Variants in ASIP observed in about 807,000 individuals in gnomAD.
ASIP encodes agouti-signaling protein.
Under a neutral mutation model 10.3 loss-of-function variants are expected in ASIP, and 11 were observed. The observed-to-expected ratio is 1.07, with a 90% confidence interval of 0.68 to 1.78. The LOEUF (loss-of-function observed/expected upper bound fraction) is 1.78, where lower values mean the gene tolerates loss of function less well. Among genes scored for constraint, ASIP ranks in the 40% most tolerant of loss-of-function variants. The pLI is 0.00. For missense variants in ASIP, 180 were observed against 169.2 expected, an observed-to-expected ratio of 1.06 and a Z score of -0.35; for synonymous variants, 70 against 70.8, an observed-to-expected ratio of 0.99 and a Z score of 0.06.
chr20:34,218,141 C>A (rs2122560043), intron 1 of ASIP, among the ~76,000 whole-genome samples: 1 of 152,330 alleles, frequency 6.6e-6, no homozygotes, highest in South Asian at 2.1e-4. Context: ...AACTCTATGA[C>A]ACACATTTTT....
intron 1 of ASIP, among the ~76,000 whole-genome samples, chr20:34,195,900 A>G (rs962233140): frequency 7.9e-5 from 12 of 151,948 alleles, no homozygotes; most frequent in Non-Finnish European, 1.3e-4. Flanking sequence ...ACCCCCATAT[A>G]TTGTAACTGG....
intron 1 of ASIP, among the ~76,000 whole-genome samples, chr20:34,258,627 T>C (rs1389236550): frequency 8.3e-6 from 1 of 119,792 alleles, no homozygotes; most frequent in Non-Finnish European, 1.7e-5. Context: ...GAAATCATGG[T>C]GGAGAGCCCC....
intron 1 of ASIP, chr20:34,215,324 T>C (rs2035000295): frequency 6.4e-7 from 1 of 1,570,210 alleles, no homozygotes. Context: ...TTTTGTGATA[T>C]TTGGTACCAT....
chr20:34,214,929 A>C, intron 1 of ASIP: 2 of 1,488,216 alleles, frequency 1.3e-6, no homozygotes, highest in Non-Finnish European at 9.4e-7. Context: ...TAATATTCCC[A>C]TTCTTAGTTA....
At chr20:34,249,306 C>T (rs1379271094) in intron 1 of ASIP, among the ~76,000 whole-genome samples, 2 of 151,724 alleles carry the variant, frequency 1.3e-5, no homozygotes, top group East Asian at 1.9e-4. Context: ...TCCCATCCCC[C>T]GCCCCCAATC....
chr20:34,252,411 C>CT, intron 1 of ASIP, among the ~76,000 whole-genome samples: 1 of 152,324 alleles, frequency 6.6e-6, no homozygotes, highest in East Asian at 1.9e-4. Context: ...AGGAAAGGTA[C>CT]TGTGCCTGGA....
intron 1 of ASIP, among the ~76,000 whole-genome samples, chr20:34,236,242 C>G (rs2035208599): frequency 6.6e-6 from 1 of 151,922 alleles, no homozygotes; most frequent in South Asian, 2.1e-4. Flanking sequence ...TTAAATGATT[C>G]AAGAATCATG....
intron 1 of ASIP, among the ~76,000 whole-genome samples, chr20:34,222,517 A>G (rs763859185): frequency 1.3e-5 from 2 of 152,198 alleles, no homozygotes; most frequent in Non-Finnish European, 2.9e-5. Context: ...AGAAACTTGT[A>G]AAATATATAT....
At chr20:34,241,629 A>C (rs2035285125) in intron 1 of ASIP, 140 bp downstream of exon 1, 1 of 691,174 alleles carries the variant, frequency 1.4e-6, no homozygotes, top group Admixed American at 6.3e-5. Flanking sequence ...GGGTCAGAGT[A>C]GTTAAGAGGA....
chr20:34,193,276 C>G (rs772715153), upstream of ASIP, among the ~76,000 whole-genome samples: 2 of 152,198 alleles, frequency 1.3e-5, no homozygotes, highest in Non-Finnish European at 2.9e-5. Context: ...TTTGTAGTAT[C>G]CGGCAGCAAA....
chr20:34,190,542 T>C (rs900825894), upstream of ASIP, among the ~76,000 whole-genome samples: 1 of 152,086 alleles, frequency 6.6e-6, no homozygotes, highest in African/African-American at 2.4e-5. Context: ...TCCTGACCTT[T>C]AGATTTTTAT....
At position 34,241,499 on chromosome 20, in the gene ASIP, G is replaced by A. The variant is rs2035283141; in HGVS notation, c.-11+10G>A. ...CTTTGCGGGAAAGCATGTGAGTTTA[G>A]ATGGCAACTTTAATCTGCTTTCAGG... On this transcript the variant is annotated intron_variant, in intron 1 of 3. Coordinates refer to ENST00000374954, the MANE Select transcript of ASIP (RefSeq NM_001672.3). The A allele has an allele frequency of 1.0e-6, 1 of 985,450 alleles. No individual in the cohort carries two copies. The highest frequency in any genetic ancestry group is 4.7e-5 in the South Asian group (1 of 21,286). The allele number at this position is 985,450 out of a possible 1,614,324, so 61.0% of individuals were successfully genotyped here. A position where few individuals can be genotyped will look rare whatever the true frequency, so the allele number is the denominator to read the frequency against.
At chr20:34,212,360 A>C (rs1016330720) in intron 1 of ASIP, among the ~76,000 whole-genome samples, 23 of 152,224 alleles carry the variant, frequency 1.5e-4, no homozygotes, top group African/African-American at 5.5e-4. Context: ...ATGTGCACAC[A>C]CATTCATGCA....
At chr20:34,242,069 T>C (rs908752167) in intron 1 of ASIP, among the ~76,000 whole-genome samples, 3 of 152,136 alleles carry the variant, frequency 2.0e-5, no homozygotes, top group African/African-American at 7.2e-5. Flanking sequence ...ATGTTTTCAA[T>C]TGTAGGTGAG....
At chr20:34,201,017 C>CTTCCTTCCTTCCTTCCTTCCTTCTTTCT (rs751841818) in intron 1 of ASIP, among the ~76,000 whole-genome samples, 33 of 63,350 alleles carry the variant, frequency 5.2e-4, no homozygotes, top group Non-Finnish European at 7.7e-4. Flanking sequence ...TCCTTCCTTC[C>CTTCCTTCCTTCCTTCCTTCCTTCTTTCT]TTCTTTCTTT....
At chr20:34,196,249 G>C (rs1331205240) in intron 1 of ASIP, among the ~76,000 whole-genome samples, 1 of 138,476 alleles carries the variant, frequency 7.2e-6, no homozygotes. Context: ...ACGTGATCTC[G>C]GCTCACTGCA....
At chr20:34,208,023 C>T (rs554904620) in intron 1 of ASIP, among the ~76,000 whole-genome samples, 63 of 152,146 alleles carry the variant, frequency 4.1e-4, no homozygotes, top group Middle Eastern at 3.4e-3. Context: ...GTGATCCACC[C>T]GCCTCGGCTT....
chr20:34,245,636 G>A (rs1348243336), intron 1 of ASIP, among the ~76,000 whole-genome samples: 17 of 151,684 alleles, frequency 1.1e-4, no homozygotes, highest in African/African-American at 3.9e-4. Context: ...TGATCCACCC[G>A]CCTTGGCCTC....
upstream of ASIP, among the ~76,000 whole-genome samples, chr20:34,194,203 C>A (rs1391530620): frequency 6.6e-6 from 1 of 151,950 alleles, no homozygotes; most frequent in East Asian, 1.9e-4. Flanking sequence ...AGAGAGAGAA[C>A]CAGGAATAAA....
Sources: allele counts gnomAD v4.1 joint callset (sites outside exome capture counted in the v4.1 genomes callset), GRCh38; gene constraint gnomAD v4.1.1; transcripts MANE v1.5; gene names NCBI Gene and HGNC (gene_info 2026-07-23, HGNC 2026-07-21).